The following SCAF8 variants were observed in gnomAD, a reference collection of about 807,000 sequenced individuals.
The protein encoded by SCAF8 is SR-related and CTD-associated factor 8.
Under a neutral mutation model 140.5 loss-of-function variants are expected in SCAF8, and 23 were observed. The observed-to-expected ratio is 0.16, with a 90% CI of 0.12 to 0.23. SCAF8 has a LOEUF of 0.23. Ranked by LOEUF, SCAF8 falls within the 10% of genes least tolerant of loss-of-function variation. SCAF8 has a pLI of 1.00. For missense variants in SCAF8, 1,397 were observed against 1,555.7 expected (o/e 0.90, Z 1.72); for synonymous variants, 575 against 528.9 (o/e 1.09, Z -1.20).
intron 1 of SCAF8, among the ~76,000 whole-genome samples, chr6:154,752,887 A>G (rs1488526733): frequency 1.3e-5 from 2 of 152,124 alleles, no homozygotes; most frequent in African/African-American, 4.8e-5. Flanking sequence ...ATGCCCGGCC[A>G]GTATTTTAGA....
intron 11 of SCAF8, 144 bp from the exon 12 acceptor site, chr6:154,809,871 C>A: frequency 1.3e-6 from 1 of 748,774 alleles, no homozygotes; most frequent in Non-Finnish European, 2.3e-6. Flanking sequence ...ATTTTTGAGA[C>A]TTGATTTTAC....
chr6:154,771,482 G>A (rs1776765496), intron 1 of SCAF8, among the ~76,000 whole-genome samples: 1 of 152,204 alleles, frequency 6.6e-6, no homozygotes, highest in Non-Finnish European at 1.5e-5. Context: ...AGTTAGAATG[G>A]ACAGGGCCTT....
At chr6:154,801,866 A>G (rs1163972335) in intron 6 of SCAF8, 105 bp from the exon 7 acceptor site, 4 of 698,676 alleles carry the variant, frequency 5.7e-6, no homozygotes, top group Admixed American at 2.7e-5. Flanking sequence ...ATTTTTTTCA[A>G]AGAGAGTGTG....
At chr6:154,780,730 C>G (rs1451087958) in intron 3 of SCAF8, among the ~76,000 whole-genome samples, 1 of 152,146 alleles carries the variant, frequency 6.6e-6, no homozygotes, top group Non-Finnish European at 1.5e-5. Flanking sequence ...GCATAGTATT[C>G]CATGGTGTAT....
chr6:154,770,853 T>A (rs746517772), intron 1 of SCAF8, among the ~76,000 whole-genome samples: 1 of 152,200 alleles, frequency 6.6e-6, no homozygotes. Context: ...CAAGCAATTC[T>A]CATGCTTCTG....
At chr6:154,794,566 C>T (rs1180018597) in intron 5 of SCAF8, among the ~76,000 whole-genome samples, 2 of 152,000 alleles carry the variant, frequency 1.3e-5, no homozygotes, top group Admixed American at 1.3e-4. Context: ...TCTTACTGTA[C>T]CTAATTTATA....
rs553885274 is a variant in SCAF8 at position 154,795,387 on chromosome 6, ATAT to A, written c.606+254_606+256del. On this transcript the variant is annotated intron_variant, in intron 6 of 19. Transcript: ENST00000367178. ...CGGAATTAGCACATAGTTTTGCCAA[ATAT>A]TATTAGGTGCTATCACACTCCAGTA... Among the ~76,000 whole-genome samples the A allele has an allele frequency of 3.0e-3, 452 of 152,294 alleles. 4 individuals carry two copies. Among genetic ancestry groups the A allele is most frequent in the African/African-American group, 0.011 (437 of 41,556 alleles).
chr6:154,802,312 T>C (rs774187075), intron 7 of SCAF8, among the ~76,000 whole-genome samples, 165 bp downstream of exon 7: 13 of 151,970 alleles, frequency 8.6e-5, no homozygotes, highest in African/African-American at 1.5e-4. Flanking sequence ...TGAAAAAAAT[T>C]AAGTAATTAA....
intron 17 of SCAF8, chr6:154,825,259 A>G (rs556588772): frequency 7.4e-4 from 113 of 152,326 alleles, no homozygotes; most frequent in African/African-American, 2.6e-3. Context: ...GTTTTAGGGT[A>G]TGTGCTGCCA....
Position 154,832,064 on chromosome 6 carries a change from G to C in SCAF8, c.2485G>C (p.Val829Leu). The C allele has an allele frequency of 1.2e-6, 2 of 1,614,058 alleles. No individual in the cohort carries two copies. The highest frequency in any genetic ancestry group is 1.7e-6 in the Non-Finnish European group (2 of 1,180,002). The change falls in exon 20 of 20, where the codon GTC becomes CTC. Residue 829 changes from valine to leucine, a missense_variant. By Grantham distance (32) the Val-to-Leu change is conservative. Coordinates refer to ENST00000367178, the MANE Select transcript of SCAF8 (RefSeq NM_014892.5). ...NVSSNSEILG[V>L]RPSNVSSSSG... Reference sequence around the variant, plus strand: ...ATCAAGTAATTCTGAAATTCTTGGGGTCCGGCCATCTAATGTTTCCAGTAG... The same window carrying C: ...ATCAAGTAATTCTGAAATTCTTGGGCTCCGGCCATCTAATGTTTCCAGTAG...
chr6:154,752,918 C>T (rs376600710), intron 1 of SCAF8, among the ~76,000 whole-genome samples: 2 of 152,030 alleles, frequency 1.3e-5, no homozygotes, highest in South Asian at 2.1e-4. Context: ...TACTGGTCAT[C>T]ATTTAAAAGA....
chr6:154,788,126 A>G, intron 4 of SCAF8, 104 bp downstream of exon 4: 1 of 977,226 alleles, frequency 1.0e-6, no homozygotes, highest in Non-Finnish European at 1.5e-6. Flanking sequence ...GTGCCACATA[A>G]TGATGTTTCA....
chr6:154,832,928 C>T lies in SCAF8; in HGVS notation c.3349C>T (p.His1117Tyr). ...GGTCTATGGTGGTCCAAAAGGCTTA[C>T]ATGAAGAAAGAGGTAGATTTCGGTC... ...LPVYGGPKGL[H>Y]EERGRFRSGN... The change falls in exon 20 of 20, where the codon CAT (histidine) becomes TAT (tyrosine). Residue 1117 changes from histidine (H) to tyrosine (Y), a missense_variant. Transcript: ENST00000367178. 1.2e-6 allele frequency: 2 copies of T among 1,614,084 alleles called. No individual in the cohort carries two copies. The highest frequency in any genetic ancestry group is 1.7e-6 in the Non-Finnish European group (2 of 1,180,008).
rs75987668 is a variant in SCAF8, at chr6:154,817,587, T to A, written c.1522-892T>A. Among the ~76,000 whole-genome samples, 19 of 152,260 alleles carry A rather than the reference T, an allele frequency of 1.2e-4. No homozygotes were observed. In the East Asian group the frequency reaches 3.7e-3, roughly 29 times the overall value. ...GGTTGGTGAGGAATTAGAGCTAGAT[T>A]GTAATAGATAAAGAAGAATGTCAAG... On this transcript the variant is annotated intron_variant, in intron 13 of 19. Transcript: ENST00000367178.
chr6:154,734,424 T>C (rs1018912010), intron 1 of SCAF8, among the ~76,000 whole-genome samples: 4 of 151,998 alleles, frequency 2.6e-5, no homozygotes, highest in African/African-American at 9.6e-5. Context: ...ACGTAGTGTT[T>C]ATAATTGAGG....
chr6:154,806,229 C>T (rs1345786334), intron 9 of SCAF8, among the ~76,000 whole-genome samples: 4 of 152,110 alleles, frequency 2.6e-5, no homozygotes, highest in Admixed American at 1.3e-4. Flanking sequence ...CAAAATATTG[C>T]ACCTTAGAAC....
intron 5 of SCAF8, 53 bp from the exon 6 acceptor site, chr6:154,794,956 C>T (rs1562450032): frequency 1.3e-6 from 2 of 1,484,210 alleles, no homozygotes; most frequent in Non-Finnish European, 9.1e-7. Context: ...TTTTTCTAGT[C>T]TTAGTTACTT....
chr6:154,791,694 C>T (rs576489835), intron 4 of SCAF8, among the ~76,000 whole-genome samples: 1 of 152,090 alleles, frequency 6.6e-6, no homozygotes, highest in African/African-American at 2.4e-5. Flanking sequence ...TCAGCAGCAA[C>T]GTTATATAGA....
chr6:154,738,820 C>G (rs140919082), intron 1 of SCAF8, among the ~76,000 whole-genome samples: 82 of 152,312 alleles, frequency 5.4e-4, no homozygotes, highest in African/African-American at 1.9e-3. Flanking sequence ...AGCTGCATAT[C>G]TATACTCTGT....
Sources: gnomAD v4.1 joint callset for allele counts (sites outside exome capture counted in the v4.1 genomes callset) on GRCh38, gnomAD v4.1.1 for gene constraint, MANE v1.5 for transcripts, NCBI Gene and HGNC (gene_info 2026-07-23, HGNC 2026-07-21) for gene names.